The following FUT8 variants were observed in gnomAD, a reference collection of about 807,000 sequenced individuals.
FUT8 encodes fucosyltransferase 8.
In FUT8, 29 loss-of-function variants were observed where a neutral mutation model predicts 71.3. The ratio of observed to expected loss-of-function variants is 0.41; its 90% CI spans 0.30 to 0.55. The LOEUF is 0.55. Among genes scored for constraint, FUT8 ranks in the 20% least tolerant of loss-of-function variants. The pLI is 0.34. For synonymous variants in FUT8, 254 were observed against 239.3 expected (o/e 1.06, Z -0.57); for missense variants, 544 against 702.1 (o/e 0.77, Z 2.55).
rs1378430231 is a variant in FUT8 at position 65,439,954 on chromosome 14, G to GTACATATATA, written c.-325-15665_-325-15664insCATATATATA. Among the ~76,000 whole-genome samples the GTACATATATA allele has an allele frequency of 6.1e-4, 46 of 74,974 alleles. 3 individuals are homozygous for GTACATATATA. The East Asian group carries it at 0.013, about 22-fold the overall frequency. The allele number at this position is 74,974 out of a possible 152,430, so 49.2% of individuals were successfully genotyped here. On this transcript the variant is annotated intron_variant, in intron 1 of 10. Transcript: ENST00000673929. ...ATAAAGAAAATGTGTGTGTGTGTGT[G>GTACATATATA]TATATATATATATATATATATATAT...
chr14:65,617,201 T>G, intron 5 of FUT8: 1 of 1,524,926 alleles, frequency 6.6e-7, no homozygotes, highest in Non-Finnish European at 8.7e-7. Flanking sequence ...AGTAAGAGAT[T>G]TCATATTTAT....
At chr14:65,580,840 A>G (rs1887051558) in intron 3 of FUT8, among the ~76,000 whole-genome samples, 1 of 152,074 alleles carries the variant, frequency 6.6e-6, no homozygotes, top group South Asian at 2.1e-4. Flanking sequence ...CAGGCATCAG[A>G]TAATAATCTG....
At chr14:65,377,917 T>A in the FUT8 span, among the ~76,000 whole-genome samples, 1 of 152,204 alleles carries the variant, frequency 6.6e-6, no homozygotes, top group Non-Finnish European at 1.5e-5. Flanking sequence ...GACTTGAATT[T>A]ATGGTGAGTC....
chr14:65,408,557 T>C (rs1326867652), upstream of FUT8, among the ~76,000 whole-genome samples: 2 of 152,202 alleles, frequency 1.3e-5, no homozygotes, highest in South Asian at 2.1e-4. Flanking sequence ...ACCTAAAGAA[T>C]TGGCAGATGA....
intron 7 of FUT8, among the ~76,000 whole-genome samples, chr14:65,707,189 A>C (rs1233298276): frequency 6.6e-6 from 1 of 152,206 alleles, no homozygotes; most frequent in African/African-American, 2.4e-5. Flanking sequence ...TCTTTTTGGT[A>C]ATAGCTATTC....
At chr14:65,723,324 TAAAAA>T (rs71126786) in intron 8 of FUT8, among the ~76,000 whole-genome samples, 1 of 147,920 alleles carries the variant, frequency 6.8e-6, no homozygotes, top group African/African-American at 2.5e-5. Flanking sequence ...GACCTTGTCT[TAAAAA>T]AAAAAAAATT....
intron 6 of FUT8, among the ~76,000 whole-genome samples, chr14:65,640,351 T>A (rs1288016034): frequency 6.6e-6 from 1 of 152,122 alleles, no homozygotes; most frequent in South Asian, 2.1e-4. Flanking sequence ...ATTGATTTTT[T>A]AAATTATTAC....
chr14:65,568,804 C>A (rs1007517755), intron 3 of FUT8, among the ~76,000 whole-genome samples: 2 of 150,976 alleles, frequency 1.3e-5, no homozygotes, highest in Non-Finnish European at 3.0e-5. Context: ...TTTATAAACA[C>A]TCATATTCTT....
intron 7 of FUT8, among the ~76,000 whole-genome samples, chr14:65,678,716 A>C (rs141768261): frequency 7.2e-5 from 11 of 152,294 alleles, no homozygotes; most frequent in African/African-American, 2.6e-4. Flanking sequence ...AGGAATTTCC[A>C]CGTAAATTTT....
At position 65,489,080 on chromosome 14, in the gene FUT8, TTAAG is replaced by T. The variant is rs1451851298; in HGVS notation, c.-228+33365_-228+33368del. On this transcript the variant is annotated intron_variant, in intron 2 of 10. Transcript: ENST00000673929. The surrounding 1 kb of genome is among the most constrained non-coding windows in gnomAD (Gnocchi z 4.0). ...AATATTTTAGTATTGTCATGTAGTA[TTAAG>T]TATTTTTCCATCAATGATTAGAAAG... Among the ~76,000 whole-genome samples, 8 of 152,218 alleles carry T rather than the reference TTAAG, an allele frequency of 5.3e-5. No homozygotes were observed. The highest frequency in any genetic ancestry group is 6.5e-5 in the Admixed American group (1 of 15,276).
intron 7 of FUT8, among the ~76,000 whole-genome samples, chr14:65,678,137 C>T (rs985758940): frequency 2.0e-5 from 3 of 152,078 alleles, no homozygotes; most frequent in Admixed American, 1.3e-4. Flanking sequence ...TTATTATTAC[C>T]ACTTTAGTTT....
At chr14:65,376,078 G>A in the FUT8 span, among the ~76,000 whole-genome samples, 1 of 149,822 alleles carries the variant, frequency 6.7e-6, no homozygotes. Flanking sequence ...GTGTCAGAGT[G>A]AGACCCTGTC....
intron 2 of FUT8, among the ~76,000 whole-genome samples, chr14:65,519,102 T>A (rs1882910521): frequency 6.6e-6 from 1 of 152,188 alleles, no homozygotes; most frequent in African/African-American, 2.4e-5. Flanking sequence ...TAATAGGCGC[T>A]TAAAAATATT....
At chr14:65,376,103 A>T in the FUT8 span, among the ~76,000 whole-genome samples, 1,377 of 151,696 alleles carry the variant, frequency 9.1e-3, 18 homozygotes, top group African/African-American at 0.032. Context: ...AAAAAAAAAA[A>T]TAATAAAATA....
intron 7 of FUT8, 78 bp from the exon 8 acceptor site, chr14:65,721,697 C>T (rs1434651556): frequency 4.7e-5 from 67 of 1,419,548 alleles, no homozygotes; most frequent in Non-Finnish European, 4.6e-5. Flanking sequence ...GATGAAAGCA[C>T]TCAGAATAAG....
Position 65,611,215 on chromosome 14 carries a change from GCGCGCGCGCACACACACACACA to G in FUT8, c.204-4761_204-4740del, listed in dbSNP as rs1566851060. On this transcript the variant is annotated intron_variant, in intron 3 of 10. Coordinates refer to ENST00000673929, the MANE Select transcript of FUT8 (RefSeq NM_001371533.1). The stretch of plus-strand genomic sequence containing the variant: ...CACACACACGCGCGCGCGCGCGCGC[GCGCGCGCGCACACACACACACA>G]CACACACACACACACACACACACAC... Among the ~76,000 whole-genome samples, 11 of 4,630 alleles carry G rather than the reference GCGCGCGCGCACACACACACACA, an allele frequency of 2.4e-3. 2 individuals carry two copies. The highest frequency in any genetic ancestry group is 3.9e-3 in the African/African-American group (9 of 2,320). 3.0% of individuals were successfully genotyped at this position (4,630 alleles called of 152,430 possible).
intron 3 of FUT8, among the ~76,000 whole-genome samples, chr14:65,612,190 A>G (rs1008035743): frequency 2.0e-5 from 3 of 152,102 alleles, no homozygotes; most frequent in Non-Finnish European, 4.4e-5. Flanking sequence ...GTTTGTTACT[A>G]GAAGGTCTTG....
chr14:65,635,335 C>G lies in FUT8; in HGVS notation c.597+5729C>G, dbSNP rs186516287. On this transcript the variant is annotated intron_variant, in intron 6 of 10. Coordinates refer to ENST00000673929, the MANE Select transcript of FUT8 (RefSeq NM_001371533.1). Reference sequence around the variant, plus strand: ...TTACCGATTTGGATGCCCTTTCTTTCTCTTGTCTGATTGCTCTGGCTAGGA... The same window carrying G: ...TTACCGATTTGGATGCCCTTTCTTTGTCTTGTCTGATTGCTCTGGCTAGGA... 2.3e-3 allele frequency among the ~76,000 whole-genome samples: 351 copies of G among 152,238 alleles called. 1 individual carries two copies. Among genetic ancestry groups the G allele is most frequent in the Non-Finnish European group, 4.1e-3 (278 of 68,016 alleles).
the FUT8 span, among the ~76,000 whole-genome samples, chr14:65,370,586 A>T: frequency 5.3e-4 from 79 of 149,936 alleles, no homozygotes; most frequent in African/African-American, 1.8e-3. Flanking sequence ...TATAAACAAA[A>T]ATATATATAA....
Sources: gnomAD v4.1 joint callset for allele counts (sites outside exome capture counted in the v4.1 genomes callset) on GRCh38, gnomAD v4.1.1 for gene constraint, Gnocchi (gnomAD v3.1) non-coding constraint, MANE v1.5 for transcripts, NCBI Gene and HGNC (gene_info 2026-07-23, HGNC 2026-07-21) for gene names.